Variants in ALKBH5 observed in about 807,000 individuals in gnomAD.
The protein encoded by ALKBH5 is RNA demethylase ALKBH5.
A neutral mutation model predicts 32.1 loss-of-function variants in ALKBH5; 2 were observed. That is an observed-to-expected ratio of 0.06 (90% CI 0.03 to 0.20). The LOEUF (loss-of-function observed/expected upper bound fraction) is 0.20, where lower values mean the gene tolerates loss of function less well. ALKBH5 is among the 10% of genes least tolerant of loss of function. The pLI is 1.00. For synonymous variants in ALKBH5, 300 were observed against 231.7 expected (o/e 1.29, Z -2.68); for missense variants, 352 against 559.5 (o/e 0.63, Z 3.74).
At chr17:18,204,171 G>A (rs1352512916) in intron 2 of ALKBH5, among the ~76,000 whole-genome samples, 1 of 152,218 alleles carries the variant, frequency 6.6e-6, no homozygotes, top group Non-Finnish European at 1.5e-5. Context: ...AGGTCATTGG[G>A]CCAGGCGTGG....
At chr17:18,204,785 C>A (rs564597927) in intron 2 of ALKBH5, among the ~76,000 whole-genome samples, 1 of 151,908 alleles carries the variant, frequency 6.6e-6, no homozygotes, top group African/African-American at 2.4e-5. Flanking sequence ...CATCTGGAGC[C>A]GGGCTTGATG....
intron 1 of ALKBH5, among the ~76,000 whole-genome samples, chr17:18,185,276 T>G (rs1006321516): frequency 5.9e-5 from 9 of 152,220 alleles, no homozygotes; most frequent in Non-Finnish European, 8.8e-5. Flanking sequence ...AAAGCCATCT[T>G]TTCAGAAGGC....
At chr17:18,195,981 T>C (rs2047201938) in intron 2 of ALKBH5, among the ~76,000 whole-genome samples, 1 of 152,218 alleles carries the variant, frequency 6.6e-6, no homozygotes, top group African/African-American at 2.4e-5. Context: ...GTTTTAGATT[T>C]ACAGACAATT....
rs965449817 is a variant in ALKBH5, at chr17:18,184,357, A to AGCCGCCGCAGCCGCAGCCGCCGCT, written c.122_145dup (p.Ala41_Ala48dup). The AGCCGCCGCAGCCGCAGCCGCCGCT allele has an allele frequency of 6.6e-7, 1 of 1,514,896 alleles. No individual in the cohort carries two copies. The highest frequency in any genetic ancestry group is 8.8e-7 in the Non-Finnish European group (1 of 1,134,738). 93.8% of individuals were successfully genotyped at this position (1,514,896 alleles called of 1,614,324 possible). ...CCGCCGCCGCTGCCGCAGCCGCCGT[A>AGCCGCCGCAGCCGCAGCCGCCGCT]GCCGCCGCAGCCGCAGCCGCCGCTG... On this transcript the variant is annotated inframe_insertion, in exon 1 of 4. Transcript: ENST00000399138.
intron 2 of ALKBH5, among the ~76,000 whole-genome samples, chr17:18,202,104 G>A (rs1449564154): frequency 1.3e-5 from 2 of 151,570 alleles, no homozygotes; most frequent in African/African-American, 2.4e-5. Context: ...TCAGGAGATC[G>A]AGACCATCCT....
intron 2 of ALKBH5, among the ~76,000 whole-genome samples, chr17:18,202,701 A>G (rs577774645): frequency 1.3e-5 from 2 of 152,176 alleles, no homozygotes; most frequent in South Asian, 4.2e-4. Context: ...ATCTTCCCAG[A>G]AATGGTGGTG....
At position 18,184,330 on chromosome 17, in the gene ALKBH5, GGCCGCCGCCGCTGCCGCAGCCGCCGTA is replaced by G. The variant is rs1351793150; in HGVS notation, c.96_122del (p.Val38_Ala46del). The G allele has an allele frequency of 7.3e-6, 11 of 1,511,872 alleles. No homozygotes were observed. Among genetic ancestry groups the G allele is most frequent in the Non-Finnish European group, 8.8e-6 (10 of 1,133,992 alleles). 93.7% of individuals were successfully genotyped at this position (1,511,872 alleles called of 1,614,324 possible). A position where few individuals can be genotyped will look rare whatever the true frequency, so the allele number is the denominator to read the frequency against. ...ACAACTATAAGGCGGGCAGCCGGGA[GGCCGCCGCCGCTGCCGCAGCCGCCGTA>G]GCCGCCGCAGCCGCAGCCGCCGCTG... is the stretch of plus-strand genomic sequence containing the variant. On this transcript the variant is annotated inframe_deletion, in exon 1 of 4. Transcript: ENST00000399138.
At chr17:18,205,840 C>T (rs1239470290) in intron 2 of ALKBH5, among the ~76,000 whole-genome samples, 1 of 152,172 alleles carries the variant, frequency 6.6e-6, no homozygotes, top group Admixed American at 6.5e-5. Flanking sequence ...GACTGCAGCC[C>T]CTACTCCTTC....
At chr17:18,193,115 C>T (rs371724854) in intron 1 of ALKBH5, among the ~76,000 whole-genome samples, 27 of 151,964 alleles carry the variant, frequency 1.8e-4, no homozygotes, top group African/African-American at 6.5e-4. Flanking sequence ...ACCTTGGCCT[C>T]CCAAAGTGCT....
rs1210740079 is a variant in ALKBH5 at position 18,184,053 on chromosome 17, A to G, written c.-191A>G. ...GAAGCCCCGTTGTCGCCACCGTTGCATGACCCGCCGCTCCTGAGGCCCTAC... is the reference window on the plus strand; with the variant it reads ...GAAGCCCCGTTGTCGCCACCGTTGCGTGACCCGCCGCTCCTGAGGCCCTAC... On this transcript the variant is annotated 5_prime_UTR_variant, in exon 1 of 4. An upstream start codon of the reference 5' UTR is lost. Transcript: ENST00000399138. The G allele has an allele frequency of 3.0e-6, 2 of 677,308 alleles. No homozygotes were observed. The highest frequency in any genetic ancestry group is 4.1e-5 in the Admixed American group (2 of 48,286). 42.0% of individuals were successfully genotyped at this position (677,308 alleles called of 1,614,324 possible). A position where few individuals can be genotyped will look rare whatever the true frequency, so the allele number is the denominator to read the frequency against.
Position 18,208,451 on chromosome 17 carries a change from CTTTTG to C in ALKBH5, c.*61_*65del. On this transcript the variant is annotated 3_prime_UTR_variant, in exon 4 of 4. Transcript: ENST00000399138. The stretch of plus-strand genomic sequence containing the variant: ...GCTCATCCTTACGTAGTTGCCCCTC[CTTTTG>C]TTTTGAGGGTTTTGTTTTTGTTCAT... The C allele has an allele frequency of 6.3e-7, 1 of 1,589,756 alleles. No homozygotes were observed.
intron 2 of ALKBH5, among the ~76,000 whole-genome samples, chr17:18,202,246 T>C (rs2047246135): frequency 1.3e-5 from 2 of 151,688 alleles, no homozygotes; most frequent in South Asian, 4.2e-4. Context: ...AGGCGGAGGT[T>C]GCAGTGAGCC....
intron 2 of ALKBH5, among the ~76,000 whole-genome samples, chr17:18,202,755 C>T (rs2047249090): frequency 6.6e-6 from 1 of 151,812 alleles, no homozygotes; most frequent in African/African-American, 2.4e-5. Flanking sequence ...GAGGAGGGCC[C>T]ACCTGCACTT....
At chr17:18,196,182 G>A (rs899263493) in intron 2 of ALKBH5, among the ~76,000 whole-genome samples, 1 of 151,308 alleles carries the variant, frequency 6.6e-6, no homozygotes, top group African/African-American at 2.4e-5. Context: ...GACTCCTCTT[G>A]GCTGTAACAG....
chr17:18,184,086 C>T lies in ALKBH5; in HGVS notation c.-158C>T, dbSNP rs1335090104. On this transcript the variant is annotated 5_prime_UTR_variant, in exon 1 of 4. Transcript: ENST00000399138. ...CCGCTCCTGAGGCCCTACCCCACGC[C>T]CGGACCCTCGACGCCCCCCGCCGGG... The T allele has an allele frequency of 1.4e-6, 1 of 711,950 alleles. No homozygotes were observed. Among genetic ancestry groups the T allele is most frequent in the African/African-American group, 1.9e-5 (1 of 54,018 alleles). 44.1% of individuals were successfully genotyped at this position (711,950 alleles called of 1,614,324 possible).
At chr17:18,192,162 C>G (rs2047179657) in intron 1 of ALKBH5, among the ~76,000 whole-genome samples, 1 of 152,222 alleles carries the variant, frequency 6.6e-6, no homozygotes, top group African/African-American at 2.4e-5. Context: ...GACCATGTCT[C>G]TTTGGCAGAT....
intron 2 of ALKBH5, among the ~76,000 whole-genome samples, chr17:18,201,596 A>G (rs983030669): frequency 5.3e-5 from 8 of 152,076 alleles, no homozygotes; most frequent in African/African-American, 1.9e-4. Flanking sequence ...CATCTCTACT[A>G]AAATACAAAA....
chr17:18,189,187 C>T (rs2047158569), intron 1 of ALKBH5, among the ~76,000 whole-genome samples: 1 of 152,152 alleles, frequency 6.6e-6, no homozygotes. Context: ...ACCATCCTGG[C>T]TAGCATGGTG....
chr17:18,191,990 T>G (rs994661514), intron 1 of ALKBH5, among the ~76,000 whole-genome samples: 1 of 151,554 alleles, frequency 6.6e-6, no homozygotes, highest in Admixed American at 6.6e-5. Flanking sequence ...TGACAGCTCT[T>G]TGGGAAAGTA....
Sources: allele counts gnomAD v4.1 joint callset (sites outside exome capture counted in the v4.1 genomes callset), GRCh38; gene constraint gnomAD v4.1.1; transcripts MANE v1.5; gene names NCBI Gene and HGNC (gene_info 2026-07-23, HGNC 2026-07-21).